Variants in BLTP1 observed in about 807,000 individuals in gnomAD.
BLTP1 encodes bridge-like lipid transfer protein family member 1.
At chr4:122,215,075 A>C in the BLTP1 span, among the ~76,000 whole-genome samples, 2 of 152,242 alleles carry the variant, frequency 1.3e-5, no homozygotes, top group East Asian at 3.8e-4. Flanking sequence ...GTAACTACAA[A>C]TGTATTAACT....
chr4:122,279,736 G>T, the BLTP1 span: 16 of 1,579,400 alleles, frequency 1.0e-5, no homozygotes, highest in Admixed American at 2.7e-4. Flanking sequence ...TTACTTGGCT[G>T]TTGGCTGTAT....
At chr4:122,321,869 A>T in the BLTP1 span, among the ~76,000 whole-genome samples, 3 of 149,166 alleles carry the variant, frequency 2.0e-5, no homozygotes, top group Non-Finnish European at 4.4e-5. Flanking sequence ...AACACTTTAA[A>T]TATTTTACTC....
chr4:122,156,440 A>G, the BLTP1 span, among the ~76,000 whole-genome samples: 5 of 152,202 alleles, frequency 3.3e-5, no homozygotes, highest in Admixed American at 3.3e-4. Context: ...AACCGAGTTT[A>G]GAGAAAAGGA....
chr4:122,250,321 TATTC>T, the BLTP1 span: 1 of 1,547,280 alleles, frequency 6.5e-7, no homozygotes, highest in African/African-American at 1.4e-5. Flanking sequence ...TTAAGACACT[TATTC>T]ACCATTTATA....
the BLTP1 span, chr4:122,204,745 C>T: frequency 1.9e-6 from 1 of 517,902 alleles, no homozygotes; most frequent in Non-Finnish European, 2.5e-6. Flanking sequence ...GATTTTTGGG[C>T]ATTTCCCAAG....
chr4:122,201,784 C>A, the BLTP1 span: 2 of 803,258 alleles, frequency 2.5e-6, no homozygotes, highest in Non-Finnish European at 3.0e-6. Context: ...GTTGGCTGTT[C>A]CACAGAAACC....
the BLTP1 span, chr4:122,187,264 A>G: frequency 7.7e-4 from 756 of 984,386 alleles, no homozygotes; most frequent in Non-Finnish European, 7.6e-4. Flanking sequence ...AGCTGTAGGA[A>G]TATTAGTATT....
the BLTP1 span, chr4:122,312,831 A>G: frequency 1.2e-6 from 1 of 803,928 alleles, no homozygotes. Flanking sequence ...TTGAATACCA[A>G]TTTAGGATTC....
At chr4:122,291,122 G>A in the BLTP1 span, among the ~76,000 whole-genome samples, 1 of 152,048 alleles carries the variant, frequency 6.6e-6, no homozygotes, top group African/African-American at 2.4e-5. Context: ...AAGAGGACTG[G>A]AAATTAATAT....
chr4:122,174,523 C>T, the BLTP1 span: 1,218 of 1,593,830 alleles, frequency 7.6e-4, 6 homozygotes, highest in African/African-American at 0.014. Context: ...AAGGGCCCTA[C>T]TGTCTGTTAA....
the BLTP1 span, chr4:122,173,108 C>T: frequency 4.3e-6 from 7 of 1,609,502 alleles, no homozygotes; most frequent in Non-Finnish European, 6.0e-6. Flanking sequence ...CTTATTTTAA[C>T]ACTAGTTCTT....
At chr4:122,200,542 G>C in the BLTP1 span, 1 of 948,986 alleles carries the variant, frequency 1.1e-6, no homozygotes, top group Non-Finnish European at 1.2e-6. Flanking sequence ...ATGTGTCACT[G>C]CACTCCAGCT....
At chr4:122,187,145 A>T in the BLTP1 span, 1 of 984,572 alleles carries the variant, frequency 1.0e-6, no homozygotes, top group Non-Finnish European at 1.2e-6. Flanking sequence ...TAATGACAGC[A>T]TATCATCCCT....
chr4:122,215,329 T>A, the BLTP1 span: 2 of 953,170 alleles, frequency 2.1e-6, no homozygotes, highest in Admixed American at 6.2e-5. Flanking sequence ...TTTTTAAGAT[T>A]TACAATGATA....
At chr4:122,225,034 A>C in the BLTP1 span, 1 of 981,460 alleles carries the variant, frequency 1.0e-6, no homozygotes, top group Non-Finnish European at 1.2e-6. Flanking sequence ...TTATTTTTCT[A>C]CTATATGGAG....
the BLTP1 span, chr4:122,185,022 G>T: frequency 1.0e-6 from 1 of 985,306 alleles, no homozygotes; most frequent in South Asian, 4.7e-5. Flanking sequence ...TGTGGGGCAA[G>T]AGAATGATAG....
the BLTP1 span, chr4:122,307,861 G>C: frequency 3.9e-6 from 6 of 1,529,106 alleles, no homozygotes; most frequent in Non-Finnish European, 5.2e-6. Context: ...TTAAGCAACA[G>C]GATTTTGCAG....
At chr4:122,254,901 G>A in the BLTP1 span, 2 of 1,613,728 alleles carry the variant, frequency 1.2e-6, no homozygotes, top group Non-Finnish European at 1.7e-6. Flanking sequence ...TGGAAACTGA[G>A]GGAACCTTGA....
At chr4:122,263,094 T>C in the BLTP1 span, 1 of 1,367,486 alleles carries the variant, frequency 7.3e-7, no homozygotes, top group East Asian at 2.5e-5. Context: ...TAATCTCTCA[T>C]ACCTTATCTT....
Sources: allele counts gnomAD v4.1 joint callset (sites outside exome capture counted in the v4.1 genomes callset), GRCh38; gene constraint gnomAD v4.1.1; transcripts MANE v1.5; gene names NCBI Gene and HGNC (gene_info 2026-07-23, HGNC 2026-07-21).